BBS9: variants seen among roughly 807,000 people sequenced by gnomAD.
BBS9 encodes Bardet-Biedl syndrome 9.
BBS9 carries 89 observed loss-of-function variants against 117.7 expected under a neutral mutation model. The ratio of observed to expected loss-of-function variants is 0.76; its 90% CI spans 0.64 to 0.90. The LOEUF (loss-of-function observed/expected upper bound fraction) is 0.90. BBS9 is among the 40% of genes least tolerant of loss of function. The pLI is 0.00. For synonymous variants in BBS9, 379 were observed against 370.9 expected (o/e 1.02, Z -0.25); for missense variants, 982 against 1,042.2 (o/e 0.94, Z 0.80).
rs1584930324 is a variant in BBS9, at chr7:33,467,033, T to TC, written c.2116-38430_2116-38429insC. Among the ~76,000 whole-genome samples the TC allele has an allele frequency of 1.2e-3, 79 of 67,424 alleles. 1 individual carries two copies. In the South Asian group the frequency reaches 0.023, roughly 19 times the overall value. The allele number at this position is 67,424 out of a possible 152,430, so 44.2% of individuals were successfully genotyped here. Reference sequence around the variant, plus strand: ...TCATTCTCTCTCTCTCTCTCTCTCTTATGACAACCAAACTCCTTACTATGA... The same window carrying TC: ...TCATTCTCTCTCTCTCTCTCTCTCTTCATGACAACCAAACTCCTTACTATGA... On this transcript the variant is annotated intron_variant, in intron 19 of 22. Transcript: ENST00000242067.
chr7:33,613,055 T>G (rs1864957547), intron 21 of BBS9, among the ~76,000 whole-genome samples: 1 of 152,094 alleles, frequency 6.6e-6, no homozygotes, highest in African/African-American at 2.4e-5. Flanking sequence ...ATCTTGTCCT[T>G]AAAGAACTTT....
chr7:33,351,353 A>C, intron 14 of BBS9, 30 bp downstream of exon 14: 1 of 1,440,928 alleles, frequency 6.9e-7, no homozygotes, highest in Non-Finnish European at 9.8e-7. Context: ...CATTACTTTA[A>C]GTTGTTGGAG....
intron 17 of BBS9, among the ~76,000 whole-genome samples, chr7:33,373,823 A>T (rs1823304696): frequency 6.6e-6 from 1 of 152,172 alleles, no homozygotes; most frequent in Admixed American, 6.5e-5. Context: ...TTTCAGGTAT[A>T]ATAGAAGGAT....
chr7:33,442,575 A>G (rs899430709), intron 19 of BBS9, among the ~76,000 whole-genome samples: 3 of 152,244 alleles, frequency 2.0e-5, no homozygotes. Context: ...AAGTTTTACA[A>G]TTGATTAAAA....
At chr7:33,252,438 C>T (rs187365381) in intron 5 of BBS9, among the ~76,000 whole-genome samples, 125 of 152,214 alleles carry the variant, frequency 8.2e-4, no homozygotes, top group African/African-American at 2.8e-3. Flanking sequence ...TAGCATGCAC[C>T]GTAGTAGTCT....
chr7:33,366,543 C>CTTTTTTTTT lies in BBS9; in HGVS notation c.1694-1213_1694-1205dup, dbSNP rs70989948. On this transcript the variant is annotated intron_variant, in intron 16 of 22. Coordinates refer to ENST00000242067, the MANE Select transcript of BBS9 (RefSeq NM_198428.3). ...GTTTCTTTTTTTTTTTCTTTTCTTT[C>CTTTTTTTTT]TTTTTTTTTTTTTTTTTTTGAGATG... 2.3e-3 allele frequency among the ~76,000 whole-genome samples: 210 copies of CTTTTTTTTT among 89,662 alleles called. 1 individual carries two copies. Among genetic ancestry groups the CTTTTTTTTT allele is most frequent in the East Asian group, 3.3e-3 (9 of 2,736 alleles). 58.8% of individuals were successfully genotyped at this position (89,662 alleles called of 152,430 possible).
intron 19 of BBS9, among the ~76,000 whole-genome samples, chr7:33,420,944 A>G (rs1425224383): frequency 6.6e-6 from 1 of 152,052 alleles, no homozygotes; most frequent in Admixed American, 6.5e-5. Context: ...ATTCTTTTCC[A>G]TTGCATCCGT....
intron 21 of BBS9, among the ~76,000 whole-genome samples, chr7:33,536,343 A>C (rs1419383545): frequency 6.6e-6 from 1 of 152,178 alleles, no homozygotes; most frequent in East Asian, 1.9e-4. Context: ...GGTTTTAAAA[A>C]ATTGTTAAAT....
intron 4 of BBS9, among the ~76,000 whole-genome samples, chr7:33,165,831 T>C (rs1215916814): frequency 6.6e-6 from 1 of 152,214 alleles, no homozygotes; most frequent in Non-Finnish European, 1.5e-5. Context: ...TGAAGCCTAC[T>C]TCTGTCAGCT....
intron 5 of BBS9, among the ~76,000 whole-genome samples, chr7:33,213,825 A>T (rs1020269441): frequency 6.6e-6 from 1 of 151,738 alleles, no homozygotes; most frequent in Middle Eastern, 3.4e-3. Flanking sequence ...CTGGTGCCCT[A>T]TCCTGCAGTG....
chr7:33,470,990 G>T (rs983140909), intron 19 of BBS9, among the ~76,000 whole-genome samples: 2 of 152,144 alleles, frequency 1.3e-5, no homozygotes, highest in African/African-American at 2.4e-5. Flanking sequence ...TACTGATACA[G>T]GTTCATTTTC....
chr7:33,601,912 C>T (rs1863853226), intron 21 of BBS9, among the ~76,000 whole-genome samples: 1 of 152,168 alleles, frequency 6.6e-6, no homozygotes, highest in Non-Finnish European at 1.5e-5. Flanking sequence ...CCGTTCACCT[C>T]CAGCTATGGA....
At chr7:33,485,779 T>C (rs572984463) in intron 19 of BBS9, among the ~76,000 whole-genome samples, 44 of 152,332 alleles carry the variant, frequency 2.9e-4, no homozygotes, top group Non-Finnish European at 5.6e-4. Flanking sequence ...AATCCAAAAT[T>C]AAATAATTGA....
chr7:33,172,832 C>T (rs770942773), intron 4 of BBS9, among the ~76,000 whole-genome samples: 2 of 152,004 alleles, frequency 1.3e-5, no homozygotes, highest in Non-Finnish European at 2.9e-5. Flanking sequence ...TTGTCTCAAA[C>T]CAAGGAAAAA....
intron 21 of BBS9, among the ~76,000 whole-genome samples, chr7:33,581,998 G>A (rs1860030721): frequency 6.6e-6 from 1 of 151,868 alleles, no homozygotes; most frequent in Admixed American, 6.6e-5. Context: ...TCATCGGTGA[G>A]CTTCCAGGCC....
At chr7:33,166,032 C>T (rs1294298709) in intron 4 of BBS9, among the ~76,000 whole-genome samples, 3 of 152,100 alleles carry the variant, frequency 2.0e-5, no homozygotes, top group African/African-American at 7.2e-5. Context: ...TGTGGATGTC[C>T]TTTTTGTTGA....
chr7:33,461,856 C>G (rs1235855567), intron 19 of BBS9, among the ~76,000 whole-genome samples: 7 of 151,808 alleles, frequency 4.6e-5, no homozygotes, highest in Non-Finnish European at 8.8e-5. Context: ...TAGTTTGGAC[C>G]CTTTTAACTT....
At chr7:33,351,124 A>T in intron 13 of BBS9, 95 bp from the exon 14 acceptor site, 1 of 764,696 alleles carries the variant, frequency 1.3e-6, no homozygotes, top group Non-Finnish European at 2.3e-6. Context: ...TTATGACAGT[A>T]CCTGGCATGT....
At chr7:33,165,371 G>C (rs1001240528) in intron 4 of BBS9, among the ~76,000 whole-genome samples, 1 of 151,988 alleles carries the variant, frequency 6.6e-6, no homozygotes, top group Non-Finnish European at 1.5e-5. Flanking sequence ...TTTGAATGTT[G>C]GCCTGCCTTG....
Sources: allele counts gnomAD v4.1 joint callset (sites outside exome capture counted in the v4.1 genomes callset), GRCh38; gene constraint gnomAD v4.1.1; transcripts MANE v1.5; gene names NCBI Gene and HGNC (gene_info 2026-07-23, HGNC 2026-07-21).